Variants in CLTCL1 observed in about 807,000 individuals in gnomAD.
The protein encoded by CLTCL1 is clathrin heavy chain 2.
Under a neutral mutation model 190.0 loss-of-function variants are expected in CLTCL1, and 159 were observed. The ratio of observed to expected loss-of-function variants is 0.84; its 90% confidence interval spans 0.74 to 0.95. The LOEUF is 0.95. Among genes scored for constraint, CLTCL1 ranks in the 40% least tolerant of loss-of-function variants. The pLI is 0.00. For synonymous variants in CLTCL1, 752 were observed against 769.6 expected, an observed-to-expected ratio of 0.98 and a Z score of 0.38; for missense variants, 1,878 against 2,033.4, an observed-to-expected ratio of 0.92 and a Z score of 1.47.
At chr22:19,258,759 G>A (rs1217641474) in intron 2 of CLTCL1, 6 of 692,696 alleles carry the variant, frequency 8.7e-6, no homozygotes, top group Admixed American at 3.6e-5. Context: ...GATAGTGGAC[G>A]GCAAAGTGGT....
At chr22:19,232,716 T>C (rs2085954897) in intron 9 of CLTCL1, 118 bp from the exon 10 acceptor site, 2 of 1,316,710 alleles carry the variant, frequency 1.5e-6, no homozygotes, top group Admixed American at 2.4e-5. Flanking sequence ...AGCAACATTA[T>C]CATGTGTAGG....
chr22:19,263,562 C>T (rs950511384), intron 2 of CLTCL1, among the ~76,000 whole-genome samples: 1 of 152,016 alleles, frequency 6.6e-6, no homozygotes, highest in African/African-American at 2.4e-5. Flanking sequence ...TACAGGCAAC[C>T]GCCACCACGC....
chr22:19,276,552 C>T (rs1555983446), intron 1 of CLTCL1, among the ~76,000 whole-genome samples: 1 of 152,178 alleles, frequency 6.6e-6, no homozygotes, highest in African/African-American at 2.4e-5. Flanking sequence ...CAGTGAAAAA[C>T]TCTGGGAAAA....
At chr22:19,238,677 G>A in intron 5 of CLTCL1, 1 of 175,666 alleles carries the variant, frequency 5.7e-6, no homozygotes, top group Non-Finnish European at 1.3e-5. Flanking sequence ...CCTTCTTGAT[G>A]TAAAGGTGAA....
At chr22:19,193,561 T>A (rs143808484) in intron 26 of CLTCL1, among the ~76,000 whole-genome samples, 18 of 152,318 alleles carry the variant, frequency 1.2e-4, no homozygotes, top group South Asian at 2.1e-4. Context: ...CATGGTAGTA[T>A]CCCTGTTTTA....
At chr22:19,232,103 G>T (rs1428226583) in intron 10 of CLTCL1, among the ~76,000 whole-genome samples, 2 of 152,132 alleles carry the variant, frequency 1.3e-5, no homozygotes, top group East Asian at 1.9e-4. Flanking sequence ...ATGAACATCT[G>T]GGGGACGCAA....
At chr22:19,196,790 G>A (rs376383893) in intron 24 of CLTCL1, 134 bp from the exon 25 acceptor site, 22 of 950,224 alleles carry the variant, frequency 2.3e-5, no homozygotes, top group Middle Eastern at 3.4e-4. Context: ...TGAAGAAAAC[G>A]TGTATACATA....
intron 11 of CLTCL1, among the ~76,000 whole-genome samples, chr22:19,226,967 A>G (rs1555956397): frequency 6.6e-6 from 1 of 151,920 alleles, no homozygotes; most frequent in Non-Finnish European, 1.5e-5. Flanking sequence ...CGAACTCCTG[A>G]CCTCAAATGA....
rs782442334 is a variant in CLTCL1, at chr22:19,239,346, G to A, written c.724C>T (p.Pro242Ser). ...EVGQPAAGNQ[P>S]FVKKAVDVFF... ...ACATCTACTGCTTTCTTTACAAAAG[G>A]TTGGTTTCCCGCTGCAGGCTGTCCA... is the stretch of plus-strand genomic sequence containing the variant. Residue 242 changes from proline (P) to serine (S), a missense_variant, in exon 5 of 33, where the codon CCT (proline) becomes TCT (serine). Coordinates refer to ENST00000427926, the MANE Select transcript of CLTCL1 (RefSeq NM_007098.4). 13 of 1,613,914 alleles carry A rather than the reference G, an allele frequency of 8.1e-6. No individual in the cohort carries two copies. The highest frequency in any genetic ancestry group is 1.1e-5 in the Non-Finnish European group (13 of 1,179,914).
intron 1 of CLTCL1, among the ~76,000 whole-genome samples, chr22:19,291,349 G>A (rs1555993399): frequency 6.6e-6 from 1 of 152,106 alleles, no homozygotes; most frequent in Non-Finnish European, 1.5e-5. Context: ...CCCAGGGGGC[G>A]TTGGCTTCCA....
chr22:19,291,676 C>CGGCAGG lies in CLTCL1; in HGVS notation c.-41_-36dup. 1 of 1,348,698 alleles carries CGGCAGG rather than the reference C, an allele frequency of 7.4e-7. No homozygotes were observed. Among genetic ancestry groups the CGGCAGG allele is most frequent in the South Asian group, 1.8e-5 (1 of 54,618 alleles). 83.5% of individuals were successfully genotyped at this position (1,348,698 alleles called of 1,614,324 possible). Reference sequence around the variant, plus strand: ...GGGACCTCGGCGGCGGCGGCGGCAGCGGCAGGAATGAACGCCGACCCCTCG... The same window carrying CGGCAGG: ...GGGACCTCGGCGGCGGCGGCGGCAGCGGCAGGGGCAGGAATGAACGCCGACCCCTCG... On this transcript the variant is annotated 5_prime_UTR_variant, in exon 1 of 33. Transcript: ENST00000427926.
intron 26 of CLTCL1, among the ~76,000 whole-genome samples, chr22:19,193,061 C>T (rs7292849): frequency 0.1 from 15,387 of 152,198 alleles, 1,218 homozygotes; most frequent in African/African-American, 0.21. Context: ...CTCCTCAAAG[C>T]CCCACCTGCT....
rs1555966135 is a variant in CLTCL1 at position 19,242,837 on chromosome 22, C to G, written c.619G>C (p.Glu207Gln). ...HAAAFAEFKM[E>Q]GNAKPATLFC... ...AGGGTGGCAGGCTTGGCATTCCCCTCCATCTTGAACTCTGCAAAAGCCGCA... is the reference window on the plus strand; with the variant it reads ...AGGGTGGCAGGCTTGGCATTCCCCTGCATCTTGAACTCTGCAAAAGCCGCA... Residue 207 changes from glutamate (E) to glutamine (Q), a missense_variant, in exon 4 of 33, where the codon GAG becomes CAG. Glu to Gln is a conservative substitution (Grantham distance 29, BLOSUM62 2). Transcript: ENST00000427926. 1 of 1,613,998 alleles carries G rather than the reference C, an allele frequency of 6.2e-7. No individual in the cohort carries two copies. Among genetic ancestry groups the G allele is most frequent in the Non-Finnish European group, 8.5e-7 (1 of 1,179,900 alleles).
At chr22:19,183,248 ACT>A in intron 30 of CLTCL1, 140 bp downstream of exon 30, 1 of 669,194 alleles carries the variant, frequency 1.5e-6, no homozygotes, top group East Asian at 2.7e-5. Flanking sequence ...GAAAGCAGCC[ACT>A]CCTGAAGGCA....
rs541820872 is a variant in CLTCL1, at chr22:19,274,779, G to C, written c.250+844C>G. On this transcript the variant is annotated intron_variant, in intron 2 of 32. Transcript: ENST00000427926. ...ATTTTTGCTCTTGTTGTCCAGGCTG[G>C]AGTGCAATGGCGCGATCTCTGCTCA... Among the ~76,000 whole-genome samples, 107 of 150,592 alleles carry C rather than the reference G, an allele frequency of 7.1e-4. 1 individual carries two copies. The Middle Eastern group carries it at 0.014, about 19-fold the overall frequency.
chr22:19,248,298 A>C (rs2086484381), intron 3 of CLTCL1, among the ~76,000 whole-genome samples: 2 of 144,656 alleles, frequency 1.4e-5, no homozygotes, highest in Admixed American at 1.4e-4. Flanking sequence ...ACTCGGTCTC[A>C]AAAAAAAAAA....
intron 4 of CLTCL1, 26 bp downstream of exon 4, chr22:19,242,749 G>C: frequency 1.2e-6 from 2 of 1,613,456 alleles, no homozygotes; most frequent in Non-Finnish European, 1.7e-6. Context: ...CTTTTCTCAG[G>C]GAGAAGACAG....
intron 10 of CLTCL1, 135 bp downstream of exon 10, chr22:19,232,341 T>C (rs1204129421): frequency 7.5e-6 from 9 of 1,202,880 alleles, no homozygotes; most frequent in Non-Finnish European, 1.0e-5. Flanking sequence ...CCAAGTACAC[T>C]AGATTTTTTA....
At chr22:19,281,010 G>A (rs1366905118) in intron 1 of CLTCL1, among the ~76,000 whole-genome samples, 1 of 151,722 alleles carries the variant, frequency 6.6e-6, no homozygotes, top group African/African-American at 2.4e-5. Flanking sequence ...AGAGTTGTGG[G>A]CCGGGCGCGG....
Sources: allele counts gnomAD v4.1 joint callset (sites outside exome capture counted in the v4.1 genomes callset), GRCh38; gene constraint gnomAD v4.1.1; transcripts MANE v1.5; gene names NCBI Gene and HGNC (gene_info 2026-07-23, HGNC 2026-07-21).